MYRIP: variants seen among roughly 807,000 people sequenced by gnomAD.
MYRIP encodes the protein myosin VIIA and Rab interacting protein, also known as rab effector MyRIP.
A neutral mutation model predicts 98.0 loss-of-function variants in MYRIP; 49 were observed. The ratio of observed to expected loss-of-function variants is 0.50; its 90% CI spans 0.40 to 0.63. The LOEUF is 0.63. Ranked by LOEUF, MYRIP falls within the 30% of genes least tolerant of loss-of-function variation. The pLI is 0.00. For synonymous variants in MYRIP, 404 were observed against 409.5 expected (o/e 0.99, Z 0.16); for missense variants, 1,004 against 1,058.2 (o/e 0.95, Z 0.71).
At chr3:40,030,255 C>T (rs1187190110) in intron 2 of MYRIP, among the ~76,000 whole-genome samples, 1 of 152,096 alleles carries the variant, frequency 6.6e-6, no homozygotes, top group Non-Finnish European at 1.5e-5. Context: ...TCAACCTCAT[C>T]AGTCATTAGG....
At chr3:40,112,863 G>A (rs1454091847) in intron 3 of MYRIP, among the ~76,000 whole-genome samples, 1 of 152,194 alleles carries the variant, frequency 6.6e-6, no homozygotes, top group Non-Finnish European at 1.5e-5. Context: ...AAGCCTGAGA[G>A]CAGATGTTTT....
intron 2 of MYRIP, among the ~76,000 whole-genome samples, chr3:39,924,188 G>A (rs1944363522): frequency 6.6e-6 from 1 of 151,878 alleles, no homozygotes; most frequent in Admixed American, 6.6e-5. Context: ...ATACAAATTA[G>A]CAAAGTGGAT....
At chr3:40,089,990 C>A (rs886843451) in intron 3 of MYRIP, among the ~76,000 whole-genome samples, 1 of 151,260 alleles carries the variant, frequency 6.6e-6, no homozygotes, top group Non-Finnish European at 1.5e-5. Context: ...TCTCTCAATT[C>A]TTTTATTTAT....
chr3:39,911,783 G>T (rs1261215303), intron 2 of MYRIP, among the ~76,000 whole-genome samples: 1 of 152,190 alleles, frequency 6.6e-6, no homozygotes, highest in Non-Finnish European at 1.5e-5. Context: ...TGTGCTGGTG[G>T]CATGACAACT....
intron 3 of MYRIP, among the ~76,000 whole-genome samples, chr3:40,092,569 C>T (rs1948751736): frequency 1.3e-5 from 2 of 152,260 alleles, no homozygotes; most frequent in African/African-American, 4.8e-5. Flanking sequence ...TCACCCAGAA[C>T]CCTGTGAAGG....
intron 11 of MYRIP, among the ~76,000 whole-genome samples, chr3:40,214,905 A>G (rs1030144618): frequency 2.0e-5 from 3 of 152,154 alleles, no homozygotes; most frequent in Non-Finnish European, 2.9e-5. Flanking sequence ...ATCAGGGGCC[A>G]AGTCTCCCCA....
intron 11 of MYRIP, among the ~76,000 whole-genome samples, chr3:40,217,531 TACTC>T: frequency 6.6e-6 from 1 of 152,276 alleles, no homozygotes; most frequent in South Asian, 2.1e-4. Context: ...ATTCATAAAA[TACTC>T]ATAAATACTG....
intron 2 of MYRIP, among the ~76,000 whole-genome samples, chr3:39,957,243 C>T (rs1055653032): frequency 2.0e-5 from 3 of 151,732 alleles, no homozygotes; most frequent in African/African-American, 7.3e-5. Context: ...AATTTTAGAC[C>T]AATATCCCTG....
chr3:39,881,222 C>G (rs573740655), intron 1 of MYRIP, among the ~76,000 whole-genome samples: 143 of 135,468 alleles, frequency 1.1e-3, no homozygotes, highest in African/African-American at 3.4e-3. Context: ...CCCATTTCTT[C>G]TGTTATCCTG....
chr3:40,019,035 A>G (rs1395740400), intron 2 of MYRIP, among the ~76,000 whole-genome samples: 1 of 152,142 alleles, frequency 6.6e-6, no homozygotes, highest in East Asian at 1.9e-4. Flanking sequence ...TTTTGTAACC[A>G]TCATTGTTAC....
intron 1 of MYRIP, among the ~76,000 whole-genome samples, chr3:39,864,686 G>T (rs1041704819): frequency 2.4e-4 from 36 of 152,144 alleles, no homozygotes; most frequent in African/African-American, 7.2e-4. Flanking sequence ...CATGCTTATG[G>T]ATAGGAAGAA....
At chr3:40,056,158 G>C (rs4676560) in intron 3 of MYRIP, among the ~76,000 whole-genome samples, 44,167 of 152,040 alleles carry the variant, frequency 0.29, 6,497 homozygotes, top group East Asian at 0.36. Context: ...AACCATGCCT[G>C]GGCATTCTTT....
rs190313042 is a variant in MYRIP, at chr3:40,137,978, T to C, written c.333-13070T>C. Among the ~76,000 whole-genome samples the C allele has an allele frequency of 2.2e-4, 33 of 152,320 alleles. No homozygotes were observed. In the East Asian group the frequency reaches 5.6e-3, roughly 26 times the overall value. Reference sequence around the variant, plus strand: ...CTATGTCATAAATTTATTTACATCATCTGAGCAGCAGTCTGTTATCCTCAG... The same window carrying C: ...CTATGTCATAAATTTATTTACATCACCTGAGCAGCAGTCTGTTATCCTCAG... On this transcript the variant is annotated intron_variant, in intron 3 of 16. Transcript: ENST00000302541.
chr3:40,151,508 G>A (rs947837361), intron 4 of MYRIP, among the ~76,000 whole-genome samples: 1 of 152,216 alleles, frequency 6.6e-6, no homozygotes, highest in Non-Finnish European at 1.5e-5. Flanking sequence ...TTAAAACGTT[G>A]GAAAGTCATT....
At chr3:39,989,698 T>A (rs1436031079) in intron 2 of MYRIP, among the ~76,000 whole-genome samples, 1 of 152,198 alleles carries the variant, frequency 6.6e-6, no homozygotes, top group Non-Finnish European at 1.5e-5. Flanking sequence ...CAGAGTTCTG[T>A]CCTTGAGTCC....
intron 2 of MYRIP, among the ~76,000 whole-genome samples, chr3:40,022,124 A>G (rs1222186586): frequency 6.6e-6 from 1 of 152,182 alleles, no homozygotes; most frequent in Non-Finnish European, 1.5e-5. Flanking sequence ...ATGCTTTATC[A>G]TAATCTCTTG....
intron 1 of MYRIP, among the ~76,000 whole-genome samples, chr3:39,835,499 ATC>A (rs1941590702): frequency 6.6e-6 from 1 of 152,176 alleles, no homozygotes; most frequent in African/African-American, 2.4e-5. Flanking sequence ...TAAAATTAAA[ATC>A]TGTTTTGAAT....
At chr3:39,998,530 G>T (rs1169679477) in intron 2 of MYRIP, among the ~76,000 whole-genome samples, 1 of 152,130 alleles carries the variant, frequency 6.6e-6, no homozygotes, top group Non-Finnish European at 1.5e-5. Flanking sequence ...AATAAAGGAG[G>T]ATACAAACAA....
chr3:40,245,247 C>T (rs936592453), intron 13 of MYRIP, among the ~76,000 whole-genome samples: 1 of 152,168 alleles, frequency 6.6e-6, no homozygotes, highest in Non-Finnish European at 1.5e-5. Context: ...CACAGATATT[C>T]CCGTAGCCTT....
Sources: gnomAD v4.1 joint callset for allele counts (sites outside exome capture counted in the v4.1 genomes callset) on GRCh38, gnomAD v4.1.1 for gene constraint, MANE v1.5 for transcripts, NCBI Gene and HGNC (gene_info 2026-07-23, HGNC 2026-07-21) for gene names.